Variants in P2RY6 observed in about 807,000 individuals in gnomAD.
P2RY6 encodes the protein pyrimidinergic receptor P2Y6, also known as P2Y purinoceptor 6.
Under a neutral mutation model 16.3 loss-of-function variants are expected in P2RY6, and 19 were observed. The observed-to-expected ratio is 1.16, with a 90% confidence interval of 0.81 to 1.71. P2RY6 has a LOEUF of 1.71. Among genes scored for constraint, P2RY6 ranks in the 40% most tolerant of loss-of-function variants. The pLI is 0.00. For missense variants in P2RY6, 389 were observed against 455.5 expected, an observed-to-expected ratio of 0.85 and a Z score of 1.33; for synonymous variants, 184 against 201.5, an observed-to-expected ratio of 0.91 and a Z score of 0.74.
At chr11:73,290,347 GAAAGAAAGA>G (rs1864181311) in intron 1 of P2RY6, among the ~76,000 whole-genome samples, 1 of 141,788 alleles carries the variant, frequency 7.1e-6, no homozygotes, top group Non-Finnish European at 1.6e-5. Flanking sequence ...AAGAAAGAAA[GAAAGAAAGA>G]AAGAAAGAAG....
In P2RY6 at chr11:73,293,059, G is replaced by A. The variant is rs922166908; in HGVS notation, c.-120-2671G>A. On this transcript the variant is annotated intron_variant, in intron 1 of 2. Transcript: ENST00000540124. ...GACTTAAAGGAGGGCCACAGAGTTA[G>A]GAGGCCCAGAGGAAGGGATTCCACC... The A allele has an allele frequency of 1.6e-5, 5 of 321,440 alleles. No individual in the cohort carries two copies. The Admixed American group carries it at 3.2e-4, about 21-fold the overall frequency. The allele number at this position is 321,440 out of a possible 1,614,324, so 19.9% of individuals were successfully genotyped here.
intron 1 of P2RY6, among the ~76,000 whole-genome samples, chr11:73,290,370 A>AGAAG (rs1864191426): frequency 1.3e-5 from 2 of 149,206 alleles, no homozygotes; most frequent in African/African-American, 4.9e-5. Context: ...AAAGAAGGAA[A>AGAAG]GAAAGAGAAA....
chr11:73,275,295 T>C (rs949905500), intron 1 of P2RY6, among the ~76,000 whole-genome samples: 4 of 152,164 alleles, frequency 2.6e-5, no homozygotes, highest in Non-Finnish European at 4.4e-5. Flanking sequence ...GTGGTGGCTG[T>C]CCTGTGGTAC....
chr11:73,297,425 T>C lies in P2RY6; in HGVS notation c.907T>C (p.Phe303Leu). The C allele has an allele frequency of 6.2e-7, 1 of 1,612,552 alleles. No individual in the cohort carries two copies. The highest frequency in any genetic ancestry group is 8.5e-7 in the Non-Finnish European group (1 of 1,179,936). Residue 303 changes from phenylalanine (F) to leucine (L), a missense_variant, in exon 3 of 3, where the codon TTC becomes CTC. Transcript: ENST00000540124. Reference sequence around the variant, plus strand: ...CGTGCTGGACCCCATCCTCTTCTACTTCACCCAGAAGAAGTTCCGCCGGCG... The same window carrying C: ...CGTGCTGGACCCCATCCTCTTCTACCTCACCCAGAAGAAGTTCCGCCGGCG... ...NSVLDPILFY[F>L]TQKKFRRRPH...
At chr11:73,284,343 G>A (rs1198427627) in intron 1 of P2RY6, among the ~76,000 whole-genome samples, 1 of 152,114 alleles carries the variant, frequency 6.6e-6, no homozygotes, top group African/African-American at 2.4e-5. Flanking sequence ...CTGGTGGGGA[G>A]GCCTAGGCTG....
At position 73,297,591 on chromosome 11, in the gene P2RY6, T is replaced by C; in HGVS notation, c.*86T>C. ...ACCAACCCCAAACCATGCGGAGAAT[T>C]AGAGTTCAGCTCAGCTGGGCATGGA... On this transcript the variant is annotated 3_prime_UTR_variant, in exon 3 of 3. Transcript: ENST00000540124. The C allele has an allele frequency of 9.4e-7, 1 of 1,067,172 alleles. No homozygotes were observed. The highest frequency in any genetic ancestry group is 1.4e-6 in the Non-Finnish European group (1 of 727,038). 66.1% of individuals were successfully genotyped at this position (1,067,172 alleles called of 1,614,324 possible). A position where few individuals can be genotyped will look rare whatever the true frequency, so the allele number is the denominator to read the frequency against.
Position 73,272,426 on chromosome 11 carries a change from G to A in P2RY6, c.-161G>A, listed in dbSNP as rs1236489196. ...GCTCCACGAGTGGGAATTTGCTCCAGCACTTCACGGACTGCAAGCGAGGCA... is the reference window on the plus strand; with the variant it reads ...GCTCCACGAGTGGGAATTTGCTCCAACACTTCACGGACTGCAAGCGAGGCA... On this transcript the variant is annotated 5_prime_UTR_variant, in exon 1 of 3. Coordinates refer to ENST00000540124, the MANE Select transcript of P2RY6 (RefSeq NM_001277204.2). 1.2e-5 allele frequency: 12 copies of A among 985,564 alleles called. No homozygotes were observed. Among genetic ancestry groups the A allele is most frequent in the Non-Finnish European group, 1.4e-5 (12 of 830,004 alleles). The allele number at this position is 985,564 out of a possible 1,614,324, so 61.1% of individuals were successfully genotyped here. A position where few individuals can be genotyped will look rare whatever the true frequency, so the allele number is the denominator to read the frequency against.
rs1481579492 is a variant in P2RY6, at chr11:73,296,562, C to T, written c.44C>T (p.Pro15Leu). 1 of 1,614,220 alleles carries T rather than the reference C, an allele frequency of 6.2e-7. No individual in the cohort carries two copies. Among genetic ancestry groups the T allele is most frequent in the Non-Finnish European group, 8.5e-7 (1 of 1,180,024 alleles). ...ACAGGCCAGGCTCTGGGCTTGCCAC[C>T]CACCACCTGTGTCTACCGCGAGAAC... ...NGTGQALGLP[P>L]TTCVYRENFK... The change falls in exon 3 of 3, where the codon CCC (proline) becomes CTC (leucine). Residue 15 changes from proline to leucine, a missense_variant. Physicochemically the swap from Pro to Leu is moderately conservative, Grantham distance 98. Transcript: ENST00000540124.
Position 73,284,631 on chromosome 11 carries a change from A to G in P2RY6, c.-120-11099A>G, listed in dbSNP as rs765554397. On this transcript the variant is annotated intron_variant, in intron 1 of 2. Coordinates refer to ENST00000540124, the MANE Select transcript of P2RY6 (RefSeq NM_001277204.2). Reference sequence around the variant, plus strand: ...AATCTCTATCTGCTCCCAATCCCCAATAAACACATACTCTTAAGTACAAAC... The same window carrying G: ...AATCTCTATCTGCTCCCAATCCCCAGTAAACACATACTCTTAAGTACAAAC... Among the ~76,000 whole-genome samples the G allele has an allele frequency of 1.1e-4, 17 of 152,326 alleles. No homozygotes were observed. In the East Asian group the frequency reaches 3.1e-3, roughly 28 times the overall value.
chr11:73,277,749 A>G (rs1193852993), intron 1 of P2RY6, among the ~76,000 whole-genome samples: 1 of 152,228 alleles, frequency 6.6e-6, no homozygotes, highest in East Asian at 1.9e-4. Context: ...GGAAGACATC[A>G]TATTTGTTAT....
At chr11:73,288,448 G>A (rs985382942) in intron 1 of P2RY6, among the ~76,000 whole-genome samples, 2 of 152,178 alleles carry the variant, frequency 1.3e-5, no homozygotes, top group Non-Finnish European at 2.9e-5. Flanking sequence ...AGTGGGAAAG[G>A]AGTAGAAAAA....
upstream of P2RY6, chr11:73,272,181 G>A (rs754357353): frequency 2.8e-5 from 5 of 177,884 alleles, no homozygotes; most frequent in Non-Finnish European, 5.5e-5. Flanking sequence ...AGTGACTTGC[G>A]GGCAGCTGGG....
chr11:73,275,053 T>C (rs1333696413), intron 1 of P2RY6, among the ~76,000 whole-genome samples: 4 of 152,080 alleles, frequency 2.6e-5, no homozygotes, highest in Non-Finnish European at 5.9e-5. Flanking sequence ...GAGGGCAGGG[T>C]CTGAGCAAGA....
chr11:73,267,777 T>C (rs1228982335), upstream of P2RY6, among the ~76,000 whole-genome samples: 1 of 152,190 alleles, frequency 6.6e-6, no homozygotes, highest in Admixed American at 6.5e-5. Flanking sequence ...ATAGAAACCT[T>C]TGCCTACTTT....
intron 1 of P2RY6, among the ~76,000 whole-genome samples, chr11:73,282,650 T>A (rs7121712): frequency 0.18 from 27,793 of 152,052 alleles, 2,909 homozygotes; most frequent in African/African-American, 0.3. Context: ...GACCCATGTT[T>A]CTACATCTTC....
At chr11:73,295,911 C>T in intron 2 of P2RY6, 96 bp downstream of exon 2, 3 of 320,078 alleles carry the variant, frequency 9.4e-6, no homozygotes, top group Non-Finnish European at 1.4e-5. Context: ...CAGACCTGGC[C>T]CCTGTTCTCA....
chr11:73,275,628 C>T lies in P2RY6; in HGVS notation c.-121+3162C>T, dbSNP rs146069942. On this transcript the variant is annotated intron_variant, in intron 1 of 2. Coordinates refer to ENST00000540124, the MANE Select transcript of P2RY6 (RefSeq NM_001277204.2). ...CATGCCTTCGCATTGTGGCCCGCCA[C>T]GCTCCTGAGAAGGACACACCTCCAT... is the stretch of plus-strand genomic sequence containing the variant. Among the ~76,000 whole-genome samples, 32 of 152,262 alleles carry T rather than the reference C, an allele frequency of 2.1e-4. No individual in the cohort carries two copies. The East Asian group carries it at 5.4e-3, about 26-fold the overall frequency.
At chr11:73,282,661 A>T (rs959122693) in intron 1 of P2RY6, among the ~76,000 whole-genome samples, 2 of 152,098 alleles carry the variant, frequency 1.3e-5, no homozygotes, top group Non-Finnish European at 2.9e-5. Flanking sequence ...CTACATCTTC[A>T]TCTGTCTTTT....
intron 2 of P2RY6, among the ~76,000 whole-genome samples, chr11:73,296,233 A>ATATATATATAT (rs1554992361): frequency 8.0e-5 from 10 of 124,508 alleles, no homozygotes; most frequent in African/African-American, 2.8e-4. Context: ...GAAAAAAAAA[A>ATATATATATAT]ATATATATAT....
Sources: allele counts gnomAD v4.1 joint callset (sites outside exome capture counted in the v4.1 genomes callset), GRCh38; gene constraint gnomAD v4.1.1; transcripts MANE v1.5; gene names NCBI Gene and HGNC (gene_info 2026-07-23, HGNC 2026-07-21).